EP400: variants seen among roughly 807,000 people sequenced by gnomAD.
EP400 encodes the protein E1A binding protein p400, also known as E1A-binding protein p400.
Under a neutral mutation model 354.1 loss-of-function variants are expected in EP400, and 105 were observed. The ratio of observed to expected loss-of-function variants is 0.30; its 90% CI spans 0.25 to 0.35. The LOEUF (loss-of-function observed/expected upper bound fraction) is 0.35, where lower values mean the gene tolerates loss of function less well. EP400 is among the 10% of genes least tolerant of loss of function. EP400 has a pLI of 1.00. For synonymous variants in EP400, 1,646 were observed against 1,716.9 expected, an observed-to-expected ratio of 0.96 and a Z score of 1.02; for missense variants, 3,280 against 4,121.0, an observed-to-expected ratio of 0.80 and a Z score of 5.59.
At chr12:131,991,262 C>G (rs1031998005) in intron 9 of EP400, 145 bp from the exon 10 acceptor site, 3 of 743,760 alleles carry the variant, frequency 4.0e-6, no homozygotes, top group South Asian at 3.2e-5. Context: ...CACTGCCCTG[C>G]GTGATGATGA....
At position 132,067,464 on chromosome 12, in the gene EP400, G is replaced by C; in HGVS notation, c.8852G>C (p.Gly2951Ala). The change falls in exon 50 of 53, where the codon GGC becomes GCC. Residue 2951 changes from glycine to alanine, a missense_variant. Physicochemically the swap from Gly to Ala is moderately conservative, Grantham distance 60 (BLOSUM62 0). This residue lies in a region of EP400 where 279 missense variants were observed against 386.7 expected (regional missense o/e 0.72). Transcript: ENST00000389561. The surrounding 1 kb of genome is among the most constrained non-coding windows in gnomAD (Gnocchi z 5.3). ...GCCATCCAGCCCCAGGCTGCACAGG[G>C]CCCGGCAGCCGTCCAGCAGAAGGTA... Reference protein sequence around the residue: ...QKAIQPQAAQGPAAVQQKITA... With the variant: ...QKAIQPQAAQAPAAVQQKITA... 1 of 1,613,076 alleles carries C rather than the reference G, an allele frequency of 6.2e-7. No homozygotes were observed. Among genetic ancestry groups the C allele is most frequent in the Non-Finnish European group, 8.5e-7 (1 of 1,179,998 alleles).
rs1209939006 is a variant in EP400, at chr12:132,013,705, G to A, written c.3786+41G>A. The A allele has an allele frequency of 1.2e-6, 2 of 1,608,450 alleles. No individual in the cohort carries two copies. The highest frequency in any genetic ancestry group is 1.7e-6 in the Non-Finnish European group (2 of 1,176,680). ...CCATTTCAGTTAATTAATTAAACAT[G>A]CGTATGCCTTGTTATAAACGTGTTA... On this transcript the variant is annotated intron_variant, in intron 18 of 52. Transcript: ENST00000389561. The surrounding 1 kb of genome is among the most constrained non-coding windows in gnomAD (Gnocchi z 4.5).
intron 4 of EP400, among the ~76,000 whole-genome samples, 171 bp downstream of exon 4, chr12:131,981,767 T>G (rs1335136775): frequency 6.6e-6 from 1 of 152,204 alleles, no homozygotes; most frequent in Non-Finnish European, 1.5e-5. Flanking sequence ...GCAAAGCCCC[T>G]GGAGACATAT....
chr12:131,999,810 A>G (rs1893345422), intron 12 of EP400, among the ~76,000 whole-genome samples: 1 of 151,918 alleles, frequency 6.6e-6, no homozygotes, highest in Non-Finnish European at 1.5e-5. Flanking sequence ...ATTTTCTAGG[A>G]ATTTCTTTAT....
intron 2 of EP400, among the ~76,000 whole-genome samples, chr12:131,972,556 G>A (rs573791540): frequency 1.4e-3 from 210 of 152,070 alleles, no homozygotes; most frequent in African/African-American, 5.0e-3. Context: ...TTTCTGTTTC[G>A]AAAAGATTTT....
intron 30 of EP400, 121 bp downstream of exon 30, chr12:132,032,270 G>GCTTCTTGCAC: frequency 8.8e-7 from 1 of 1,138,554 alleles, no homozygotes; most frequent in Non-Finnish European, 1.2e-6. Context: ...AGATATTGGT[G>GCTTCTTGCAC]CAAGAAGCAC....
At position 132,067,761 on chromosome 12, in the gene EP400, C is replaced by T; in HGVS notation, c.8874+275C>T. Among the ~76,000 whole-genome samples, 1 of 151,446 alleles carries T rather than the reference C, an allele frequency of 6.6e-6. No homozygotes were observed. Among genetic ancestry groups the T allele is most frequent in the Non-Finnish European group, 1.5e-5 (1 of 67,884 alleles). ...GGATGGCTGGGTGCCAGGTAAGAAG[C>T]CTGCATGGCATTGGGACAGACACAG... On this transcript the variant is annotated intron_variant, in intron 50 of 52. Coordinates refer to ENST00000389561, the MANE Select transcript of EP400 (RefSeq NM_015409.5). The surrounding 1 kb of genome is among the most constrained non-coding windows in gnomAD (Gnocchi z 5.3).
intron 32 of EP400, 23 bp from the exon 33 acceptor site, chr12:132,043,281 A>G (rs1894976301): frequency 1.9e-6 from 3 of 1,595,648 alleles, no homozygotes; most frequent in Non-Finnish European, 1.7e-6. Context: ...TATCAAGGCA[A>G]TCTAAACATA....
At chr12:131,993,133 T>C (rs1347502217) in intron 11 of EP400, among the ~76,000 whole-genome samples, 3 of 152,178 alleles carry the variant, frequency 2.0e-5, no homozygotes, top group Non-Finnish European at 4.4e-5. Flanking sequence ...CCCAAGCGAT[T>C]CTCTTGCCTC....
chr12:131,964,639 A>G, intron 2 of EP400, among the ~76,000 whole-genome samples: 1 of 152,122 alleles, frequency 6.6e-6, no homozygotes, highest in East Asian at 1.9e-4. Flanking sequence ...TATTTTAAAA[A>G]CCCCTTATAT....
chr12:131,991,373 C>A, intron 9 of EP400, 34 bp from the exon 10 acceptor site: 1 of 1,611,168 alleles, frequency 6.2e-7, no homozygotes, highest in Non-Finnish European at 8.5e-7. Flanking sequence ...GCATGGGGGG[C>A]CTTGGGAACG....
chr12:131,989,334 C>T lies in EP400; in HGVS notation c.2410-630C>T, dbSNP rs143123491. Reference sequence around the variant, plus strand: ...CCACCCCGATCAGGGCCTGTGTTGACGACAGTGAGCCCCGTTGGAGGCCGA... The same window carrying T: ...CCACCCCGATCAGGGCCTGTGTTGATGACAGTGAGCCCCGTTGGAGGCCGA... On this transcript the variant is annotated intron_variant, in intron 7 of 52. Transcript: ENST00000389561. Among the ~76,000 whole-genome samples the T allele has an allele frequency of 9.1e-3, 1,392 of 152,308 alleles. 36 individuals carry two copies. In the South Asian group the frequency reaches 0.093, roughly 10 times the overall value.
At chr12:131,966,536 C>T (rs113143448) in intron 2 of EP400, among the ~76,000 whole-genome samples, 2,279 of 142,896 alleles carry the variant, frequency 0.016, 63 homozygotes, top group African/African-American at 0.056. Context: ...GCACACCAGC[C>T]TGGGCCACAG....
chr12:132,050,583 A>T lies in EP400; in HGVS notation c.7338-16A>T. The T allele has an allele frequency of 6.2e-7, 1 of 1,614,126 alleles. No individual in the cohort carries two copies. The highest frequency in any genetic ancestry group is 8.5e-7 in the Non-Finnish European group (1 of 1,179,982). On this transcript the variant is annotated splice_polypyrimidine_tract_variant and intron_variant, in intron 40 of 52. Transcript: ENST00000389561. The surrounding 1 kb of genome is among the most constrained non-coding windows in gnomAD (Gnocchi z 4.8). The stretch of plus-strand genomic sequence containing the variant: ...TCCTTTATTTAATAATTGCTGTCTC[A>T]CTGTCTATACTTCAGGCTTGGCATG...
At chr12:131,986,856 C>T in intron 6 of EP400, 49 bp downstream of exon 6, 1 of 1,543,300 alleles carries the variant, frequency 6.5e-7, no homozygotes, top group Non-Finnish European at 8.7e-7. Context: ...TGGTGAAGCA[C>T]ATTTAGTTTT....
chr12:132,031,983 C>T lies in EP400; in HGVS notation c.5785C>T (p.Arg1929Trp), dbSNP rs779222015. 7.9e-5 allele frequency: 128 copies of T among 1,612,856 alleles called. 1 individual carries two copies. Among genetic ancestry groups the T allele is most frequent in the Non-Finnish European group, 1.0e-4 (119 of 1,179,220 alleles). The change falls in exon 30 of 53, where the codon CGG (arginine) becomes TGG (tryptophan). Residue 1929 changes from arginine (R) to tryptophan (W), a missense_variant. Physicochemically the swap from Arg to Trp is moderately radical, Grantham distance 101. Around this residue, in one of 20 missense-constraint regions of EP400, gnomAD observed 459 missense variants for 496.9 expected, o/e 0.92. Coordinates refer to ENST00000389561, the MANE Select transcript of EP400 (RefSeq NM_015409.5). Reference sequence around the variant, plus strand: ...GATGAGGAGTTTCAACAGAGACAGGCGGATTTTTTGTGCCATTCTCTCCAC... The same window carrying T: ...GATGAGGAGTTTCAACAGAGACAGGTGGATTTTTTGTGCCATTCTCTCCAC... The part of the protein sequence containing the change: ...ELMRSFNRDR[R>W]IFCAILSTHS...
chr12:132,051,352 T>G (rs183256312), intron 41 of EP400, among the ~76,000 whole-genome samples: 60 of 152,064 alleles, frequency 3.9e-4, no homozygotes, highest in African/African-American at 1.4e-3. Context: ...AAGACAGAGA[T>G]AAAAGACAGC....
intron 50 of EP400, chr12:132,069,261 C>A (rs532726731): frequency 1.9e-6 from 1 of 525,308 alleles, no homozygotes; most frequent in East Asian, 3.2e-5. Context: ...CTGCAGGCAA[C>A]GGCCAGGCCT....
intron 45 of EP400, among the ~76,000 whole-genome samples, chr12:132,060,925 A>AC (rs1441355482): frequency 6.6e-6 from 1 of 151,944 alleles, no homozygotes; most frequent in East Asian, 1.9e-4. Context: ...AAAAAAAAAA[A>AC]AAAACAAAAA....
Sources: allele counts gnomAD v4.1 joint callset (sites outside exome capture counted in the v4.1 genomes callset), GRCh38; gene constraint gnomAD v4.1.1; regional missense constraint gnomAD v4.1.1; non-coding constraint Gnocchi (gnomAD v3.1); transcripts MANE v1.5; gene names NCBI Gene and HGNC (gene_info 2026-07-23, HGNC 2026-07-21).